NPHS1: variants seen among roughly 807,000 people sequenced by gnomAD.
The protein encoded by NPHS1 is NPHS1 adhesion molecule, nephrin.
A neutral mutation model predicts 139.7 loss-of-function variants in NPHS1; 107 were observed. That is an observed-to-expected ratio of 0.77 (90% confidence interval 0.66 to 0.90). The LOEUF (loss-of-function observed/expected upper bound fraction) is 0.90, where lower values mean the gene tolerates loss of function less well. Ranked by LOEUF, NPHS1 falls within the 40% of genes least tolerant of loss-of-function variation. NPHS1 has a pLI of 0.00. For synonymous variants in NPHS1, 707 were observed against 706.6 expected (o/e 1.00, Z -0.01); for missense variants, 1,580 against 1,654.2 (o/e 0.96, Z 0.78).
intron 23 of NPHS1, among the ~76,000 whole-genome samples, chr19:35,833,339 T>TC (rs1454096210): frequency 1.3e-5 from 2 of 152,118 alleles, no homozygotes; most frequent in African/African-American, 4.8e-5. Context: ...AGCACTTTTT[T>TC]CCCCTGGGGA....
At position 35,848,772 on chromosome 19, in the gene NPHS1, G is replaced by A. The variant is rs1568455968; in HGVS notation, c.1035C>T (p.Ile345=). The A allele has an allele frequency of 6.2e-7, 1 of 1,614,198 alleles. No homozygotes were observed. ...QVTFPPSAII[I]LGSASQTENK... is the part of the protein sequence containing the mutation. The stretch of plus-strand genomic sequence containing the variant: ...TCTCAGTCTGGGATGCAGATCCCAA[G>A]ATAATAATGGCACTAGGGGGAACTG... The change falls in exon 9 of 29, where the codon ATC becomes ATT. Residue 345 remains isoleucine, a synonymous_variant. Coordinates refer to ENST00000378910, the MANE Select transcript of NPHS1 (RefSeq NM_004646.4).
At position 35,842,153 on chromosome 19, in the gene NPHS1, G is replaced by A. The variant is rs746676515; in HGVS notation, c.2634C>T (p.Asn878=). The change falls in exon 19 of 29, where the codon AAC becomes AAT. Residue 878 remains asparagine, a synonymous_variant. Transcript: ENST00000378910. ...GATCTTGGAGATCCAGAGGGACCCC[G>A]TTTTTTGTCCAAGTGAAAACGATGT... ...VPNIVFTWTK[N]GVPLDLQDPR... 25 of 1,607,794 alleles carry A rather than the reference G, an allele frequency of 1.6e-5. No individual in the cohort carries two copies. Among genetic ancestry groups the A allele is most frequent in the African/African-American group, 2.7e-5 (2 of 74,884 alleles).
At position 35,845,944 on chromosome 19, in the gene NPHS1, C is replaced by G. The variant is rs1311943968; in HGVS notation, c.1627+64G>C. 2 of 1,533,574 alleles carry G rather than the reference C, an allele frequency of 1.3e-6. No individual in the cohort carries two copies. The highest frequency in any genetic ancestry group is 8.8e-7 in the Non-Finnish European group (1 of 1,136,774). The allele number at this position is 1,533,574 out of a possible 1,614,324, so 95.0% of individuals were successfully genotyped here. A position where few individuals can be genotyped will look rare whatever the true frequency, so the allele number is the denominator to read the frequency against. On this transcript the variant is annotated intron_variant, in intron 12 of 28. Transcript: ENST00000378910. The surrounding 1 kb of genome is among the most constrained non-coding windows in gnomAD (Gnocchi z 5.5). The stretch of plus-strand genomic sequence containing the variant: ...TCCCCGGGTCCAGGGTTCGCTGGGT[C>G]CCTGCCCCACCTGGCTCTGTCCCTC...
intron 11 of NPHS1, among the ~76,000 whole-genome samples, chr19:35,846,704 A>T (rs1421954547): frequency 6.6e-6 from 1 of 152,182 alleles, no homozygotes; most frequent in Admixed American, 6.5e-5. Context: ...TGCTGCACAA[A>T]TTAAACTTTC....
At chr19:35,841,201 C>T (rs1447230352) in intron 20 of NPHS1, among the ~76,000 whole-genome samples, 3 of 151,764 alleles carry the variant, frequency 2.0e-5, no homozygotes, top group Non-Finnish European at 2.9e-5. Flanking sequence ...GGTGAAACCC[C>T]GTCTCTACTA....
intron 23 of NPHS1, among the ~76,000 whole-genome samples, chr19:35,832,616 A>C (rs1400899293): frequency 6.6e-6 from 1 of 151,686 alleles, no homozygotes; most frequent in Non-Finnish European, 1.5e-5. Context: ...TTGGCTGGGC[A>C]CGGTGGCTCA....
At chr19:35,837,025 GA>G (rs1454937056) in intron 22 of NPHS1, among the ~76,000 whole-genome samples, 31 of 67,284 alleles carry the variant, frequency 4.6e-4, no homozygotes, top group East Asian at 1.5e-3. Flanking sequence ...GAAAAGAAAA[GA>G]AAAGAAAGAA....
intron 23 of NPHS1, among the ~76,000 whole-genome samples, chr19:35,832,313 G>A (rs1972895418): frequency 1.3e-5 from 2 of 152,324 alleles, no homozygotes; most frequent in South Asian, 4.1e-4. Flanking sequence ...GGAGGTCAAG[G>A]TGGGAGAATC....
At chr19:35,826,965 G>C (rs1228309142) in intron 28 of NPHS1, among the ~76,000 whole-genome samples, 1 of 151,942 alleles carries the variant, frequency 6.6e-6, no homozygotes, top group Non-Finnish European at 1.5e-5. Flanking sequence ...GTGAGATCCT[G>C]TATCTACAAA....
In NPHS1 at chr19:35,852,101, T is replaced by A. The variant is rs1205345650; in HGVS notation, c.-264A>T. Among the ~76,000 whole-genome samples, 1 of 147,142 alleles carries A rather than the reference T, an allele frequency of 6.8e-6. No individual in the cohort carries two copies. The highest frequency in any genetic ancestry group is 1.5e-5 in the Non-Finnish European group (1 of 67,266). ...TTTCTTTTTTCTTTTTTTTTTCTTTTTTTTTTTTTTAGAGACGGGGTCTCA... is the reference window on the plus strand; with the variant it reads ...TTTCTTTTTTCTTTTTTTTTTCTTTATTTTTTTTTTAGAGACGGGGTCTCA... On this transcript the variant is annotated 5_prime_UTR_variant, in exon 1 of 29. Coordinates refer to ENST00000378910, the MANE Select transcript of NPHS1 (RefSeq NM_004646.4).
At chr19:35,836,474 G>A (rs1265856698) in intron 22 of NPHS1, among the ~76,000 whole-genome samples, 4 of 151,924 alleles carry the variant, frequency 2.6e-5, no homozygotes, top group East Asian at 1.9e-4. Context: ...CTTTTCACCC[G>A]AATTATCAAT....
chr19:35,850,492 T>C (rs1363050872), intron 4 of NPHS1, 47 bp from the exon 5 acceptor site: 4 of 1,526,616 alleles, frequency 2.6e-6, no homozygotes, highest in African/African-American at 2.7e-5. Context: ...CCCCGCAAGA[T>C]AGATTCTGGG....
Position 35,825,440 on chromosome 19 carries a change from A to G in NPHS1, c.*1074T>C. 6.6e-6 allele frequency among the ~76,000 whole-genome samples: 1 copy of G among 152,144 alleles called. No individual in the cohort carries two copies. The highest frequency in any genetic ancestry group is 1.5e-5 in the Non-Finnish European group (1 of 68,024). On this transcript the variant is annotated 3_prime_UTR_variant, in exon 29 of 29. Coordinates refer to ENST00000378910, the MANE Select transcript of NPHS1 (RefSeq NM_004646.4). ...ATAAAAATGCACCCATCTTAAGTGT[A>G]AAGTTCAATGAGTTTTGACAAATCT...
chr19:35,836,351 G>T (rs1972962046), intron 22 of NPHS1, among the ~76,000 whole-genome samples: 1 of 150,654 alleles, frequency 6.6e-6, no homozygotes, highest in Non-Finnish European at 1.5e-5. Context: ...TCGACCTCCT[G>T]GGTTCAAGCT....
At position 35,851,009 on chromosome 19, in the gene NPHS1, A is replaced by T; in HGVS notation, c.478T>A (p.Cys160Ser). 6.2e-7 allele frequency: 1 copy of T among 1,614,082 alleles called. No individual in the cohort carries two copies. The highest frequency in any genetic ancestry group is 8.5e-7 in the Non-Finnish European group (1 of 1,179,992). ...WVAGQEYVVNCVSGDAKPAPD... is the reference protein window; with the variant it reads ...WVAGQEYVVNSVSGDAKPAPD... ...GCTGGCTTCGCGTCCCCAGACACAC[A>T]GTTGACCACGTACTCCTGCCCAGCT... The change falls in exon 4 of 29, where the codon TGT becomes AGT. Residue 160 changes from cysteine (C) to serine (S), a missense_variant. Transcript: ENST00000378910.
chr19:35,845,393 G>C lies in NPHS1; in HGVS notation c.1905C>G (p.Ser635Arg). 1 of 1,614,258 alleles carries C rather than the reference G, an allele frequency of 6.2e-7. No individual in the cohort carries two copies. The part of the protein sequence containing the change: ...AHSAELRETV[S>R]SFYRLNVLYR... ...ACAGTACGTTGAGGCGATAGAAGGA[G>C]CTCACGGTTTCGCGGAGCTCGGCGC... The change falls in exon 14 of 29, where the codon AGC becomes AGG. Residue 635 changes from serine to arginine, a missense_variant. Ser to Arg is a moderately radical substitution (Grantham distance 110). Coordinates refer to ENST00000378910, the MANE Select transcript of NPHS1 (RefSeq NM_004646.4). The surrounding 1 kb of genome is among the most constrained non-coding windows in gnomAD (Gnocchi z 5.5).
rs1416263377 is a variant in NPHS1 at position 35,839,289 on chromosome 19, C to T, written c.3057G>A (p.Leu1019=). ...CTTTGTCAGCCAGTCCACTGTCCCC[C>T]AAGGCATTACTGGCCAGCAGCCAGA... ...YRVWLLASNA[L]GDSGLADKGT... Residue 1019 remains leucine, a synonymous_variant, in exon 22 of 29, where the codon TTG becomes TTA. Transcript: ENST00000378910. The T allele has an allele frequency of 1.9e-6, 3 of 1,614,096 alleles. No individual in the cohort carries two copies. The highest frequency in any genetic ancestry group is 2.5e-6 in the Non-Finnish European group (3 of 1,180,054).
chr19:35,831,621 G>A (rs759895768), intron 24 of NPHS1, 22 bp downstream of exon 24: 6 of 1,612,882 alleles, frequency 3.7e-6, no homozygotes, highest in African/African-American at 1.3e-5. Flanking sequence ...CTCCACCCTG[G>A]CAGGGAAGGG....
At position 35,843,946 on chromosome 19, in the gene NPHS1, G is replaced by A; in HGVS notation, c.2212+157C>T. On this transcript the variant is annotated intron_variant, in intron 16 of 28. Transcript: ENST00000378910. ...GGGTCTCTCTAGTGGGAGGGGTTCCGCAGTGGGCGTGGTTACACCGCGGCT... is the reference window on the plus strand; with the variant it reads ...GGGTCTCTCTAGTGGGAGGGGTTCCACAGTGGGCGTGGTTACACCGCGGCT... 2.9e-6 allele frequency: 3 copies of A among 1,021,760 alleles called. No individual in the cohort carries two copies. The South Asian group carries it at 4.7e-5, about 16-fold the overall frequency. 63.3% of individuals were successfully genotyped at this position (1,021,760 alleles called of 1,614,324 possible).
Sources: gnomAD v4.1 joint callset for allele counts (sites outside exome capture counted in the v4.1 genomes callset) on GRCh38, gnomAD v4.1.1 for gene constraint, Gnocchi (gnomAD v3.1) non-coding constraint, MANE v1.5 for transcripts, NCBI Gene and HGNC (gene_info 2026-07-23, HGNC 2026-07-21) for gene names.